Variants in MMP13 observed in about 807,000 individuals in gnomAD.
MMP13 encodes collagenase 3.
A neutral mutation model predicts 52.1 loss-of-function variants in MMP13; 45 were observed. That is an observed-to-expected ratio of 0.86 (90% CI 0.68 to 1.11). The LOEUF (loss-of-function observed/expected upper bound fraction) is 1.11. Among genes scored for constraint, MMP13 ranks in the 50% least tolerant of loss-of-function variants. The pLI is 0.00. For missense variants in MMP13, 576 were observed against 583.8 expected (o/e 0.99, Z 0.14); for synonymous variants, 200 against 204.4 (o/e 0.98, Z 0.18).
Position 102,952,150 on chromosome 11 carries a change from C to T in MMP13, c.661G>A (p.Ala221Thr). ...CCTAAGGAGTGGCCGAACTCATGCG[C>T]AGCAACAAGAAACAAGTTGTAGCCT... The part of the protein sequence containing the change: ...SKGYNLFLVA[A>T]HEFGHSLGLD... Residue 221 changes from alanine to threonine, a missense_variant, in exon 5 of 10, where the codon GCG becomes ACG. Physicochemically the swap from Ala to Thr is moderately conservative, Grantham distance 58. Transcript: ENST00000260302. The surrounding 1 kb of genome is among the most constrained non-coding windows in gnomAD (Gnocchi z 4.3). The T allele has an allele frequency of 6.2e-7, 1 of 1,612,992 alleles. No homozygotes were observed. The highest frequency in any genetic ancestry group is 8.5e-7 in the Non-Finnish European group (1 of 1,179,276).
intron 2 of MMP13, 143 bp from the exon 3 acceptor site, chr11:102,954,749 T>G (rs1860669707): frequency 1.2e-6 from 1 of 850,284 alleles, no homozygotes; most frequent in Non-Finnish European, 1.8e-6. Context: ...TCAAATAATG[T>G]ATTAATTATG....
chr11:102,945,857 A>T (rs544466500), intron 8 of MMP13, 108 bp from the exon 9 acceptor site: 2 of 656,302 alleles, frequency 3.0e-6, no homozygotes, highest in African/African-American at 1.8e-5. Flanking sequence ...GAATTTTAAA[A>T]TTTTCAGTCC....
chr11:102,945,927 T>C (rs1284136347), intron 8 of MMP13, among the ~76,000 whole-genome samples, 178 bp from the exon 9 acceptor site: 3 of 152,258 alleles, frequency 2.0e-5, no homozygotes, highest in African/African-American at 7.2e-5. Flanking sequence ...GTACAGTGGA[T>C]GCTTGACGAG....
chr11:102,947,667 T>TTGTG lies in MMP13; in HGVS notation c.1211+220_1211+223dup, dbSNP rs71066125. Among the ~76,000 whole-genome samples, 16,016 of 144,760 alleles carry TTGTG rather than the reference T, an allele frequency of 0.11. 912 individuals are homozygous for TTGTG. Among genetic ancestry groups the TTGTG allele is most frequent in the East Asian group, 0.23 (1,130 of 4,838 alleles). 95.0% of individuals were successfully genotyped at this position (144,760 alleles called of 152,430 possible). A position where few individuals can be genotyped will look rare whatever the true frequency, so the allele number is the denominator to read the frequency against. ...GTTTGAGAAGAGGAATGTTTGAGTATTGTGTGTGTGTGTGTGTGTGTGTGT... is the reference window on the plus strand; with the variant it reads ...GTTTGAGAAGAGGAATGTTTGAGTATTGTGTGTGTGTGTGTGTGTGTGTGTGTGT... On this transcript the variant is annotated intron_variant, in intron 8 of 9. Coordinates refer to ENST00000260302, the MANE Select transcript of MMP13 (RefSeq NM_002427.4).
Position 102,955,400 on chromosome 11 carries a change from G to T in MMP13, c.214C>A (p.Gln72Lys). 6.2e-7 allele frequency: 1 copy of T among 1,614,020 alleles called. No individual in the cohort carries two copies. The highest frequency in any genetic ancestry group is 1.3e-5 in the African/African-American group (1 of 75,018). ...SSMTERLREM[Q>K]SFFGLEVTGK... ...GTCACCTCTAAGCCGAAGAAAGACT[G>T]CATTTCTCGGAGCCTCTCAGTCATG... Residue 72 changes from glutamine (Q) to lysine (K), a missense_variant, in exon 2 of 10, where the codon CAG (glutamine) becomes AAG (lysine). By Grantham distance (53) the Gln-to-Lys change is moderately conservative. Transcript: ENST00000260302. This position sits in a 1 kb window ranked among gnomAD's most constrained non-coding sequence, Gnocchi z 4.9.
chr11:102,949,602 A>C lies in MMP13; in HGVS notation c.918-444T>G, dbSNP rs1166694369. Among the ~76,000 whole-genome samples the C allele has an allele frequency of 6.6e-6, 1 of 152,204 alleles. No individual in the cohort carries two copies. Among genetic ancestry groups the C allele is most frequent in the African/African-American group, 2.4e-5 (1 of 41,450 alleles). On this transcript the variant is annotated intron_variant, in intron 6 of 9. Transcript: ENST00000260302. The surrounding 1 kb of genome is among the most constrained non-coding windows in gnomAD (Gnocchi z 4.2). Reference sequence around the variant, plus strand: ...TAGAGTTATAACAGAGGGGATAAACATGCTATTGGATCACAGATGAGGGAT... The same window carrying C: ...TAGAGTTATAACAGAGGGGATAAACCTGCTATTGGATCACAGATGAGGGAT...
chr11:102,946,869 G>A (rs902108552), intron 8 of MMP13, among the ~76,000 whole-genome samples: 3 of 152,244 alleles, frequency 2.0e-5, no homozygotes, highest in South Asian at 2.1e-4. Flanking sequence ...AGGTATGTGC[G>A]TGTGTGCGGG....
Position 102,947,875 on chromosome 11 carries a change from C to A in MMP13, c.1211+16G>T. On this transcript the variant is annotated intron_variant, in intron 8 of 9. Coordinates refer to ENST00000260302, the MANE Select transcript of MMP13 (RefSeq NM_002427.4). ...CGGCTATGACACAGATGGGTCAGTA[C>A]CTACTGCTGCCATACCTCCAGACCT... 6.2e-7 allele frequency: 1 copy of A among 1,613,694 alleles called. No individual in the cohort carries two copies. The highest frequency in any genetic ancestry group is 8.5e-7 in the Non-Finnish European group (1 of 1,179,728).
rs1555017028 is a variant in MMP13, at chr11:102,949,150, C to T, written c.926G>A (p.Trp309Ter). The T allele has an allele frequency of 6.2e-7, 1 of 1,613,536 alleles. No homozygotes were observed. The highest frequency in any genetic ancestry group is 1.7e-5 in the Admixed American group (1 of 59,968). Residue 309 changes from tryptophan to a stop codon, truncating the protein, a stop_gained, in exon 7 of 10, where the codon TGG (tryptophan) becomes TAG (stop). Transcript: ENST00000260302. LOFTEE classifies it high-confidence loss of function. This position sits in a 1 kb window ranked among gnomAD's most constrained non-coding sequence, Gnocchi z 4.2. ...ETMIFKDRFF[W>*]RLHPQQVDAE... ...ATCAACCTGCTGAGGATGCAGGCGC[C>T]AGAAGAATCTAACACAAAAGTAAAA... is the stretch of plus-strand genomic sequence containing the variant.
intron 8 of MMP13, 39 bp downstream of exon 8, chr11:102,947,852 G>A: frequency 1.2e-6 from 2 of 1,611,874 alleles, no homozygotes; most frequent in African/African-American, 1.3e-5. Context: ...GCACTTTGCG[G>A]CTATGACACA....
chr11:102,945,240 TCAA>T, intron 9 of MMP13: 2 of 655,578 alleles, frequency 3.1e-6, no homozygotes, highest in Admixed American at 9.5e-5. Context: ...TGAGACTCTG[TCAA>T]AAAAAAAAAA....
chr11:102,953,354 T>C (rs1860643734), intron 4 of MMP13, among the ~76,000 whole-genome samples: 1 of 152,180 alleles, frequency 6.6e-6, no homozygotes, highest in Non-Finnish European at 1.5e-5. Flanking sequence ...ATTGGAGGTA[T>C]TAGATTTGAG....
At position 102,943,716 on chromosome 11, in the gene MMP13, G is replaced by T; in HGVS notation, c.*550C>A. 6.5e-6 allele frequency: 1 copy of T among 154,958 alleles called. No individual in the cohort carries two copies. Among genetic ancestry groups the T allele is most frequent in the Non-Finnish European group, 1.4e-5 (1 of 69,766 alleles). The allele number at this position is 154,958 out of a possible 1,614,324, so 9.6% of individuals were successfully genotyped here. On this transcript the variant is annotated 3_prime_UTR_variant, in exon 10 of 10. Transcript: ENST00000260302. ...CTGTCTTTAATGACTTTGATATTTCGTTAGTGTCTGTGTGAAGAAGGGCAC... is the reference window on the plus strand; with the variant it reads ...CTGTCTTTAATGACTTTGATATTTCTTTAGTGTCTGTGTGAAGAAGGGCAC...
intron 4 of MMP13, among the ~76,000 whole-genome samples, chr11:102,953,517 CA>C (rs1216013813): frequency 1.3e-5 from 2 of 152,194 alleles, no homozygotes; most frequent in East Asian, 3.8e-4. Context: ...CCTAAGTTAA[CA>C]TTCCCAATTA....
In MMP13 at chr11:102,955,055, A is replaced by AT. The variant is rs1484011660; in HGVS notation, c.362+196dup. Among the ~76,000 whole-genome samples, 1 of 152,208 alleles carries AT rather than the reference A, an allele frequency of 6.6e-6. No individual in the cohort carries two copies. Among genetic ancestry groups the AT allele is most frequent in the Non-Finnish European group, 1.5e-5 (1 of 68,026 alleles). ...TCTTTTGATTTCATCTCTAAAAGAA[A>AT]TACTTTGAGATGCCCACTAAAAAAT... On this transcript the variant is annotated intron_variant, in intron 2 of 9. Coordinates refer to ENST00000260302, the MANE Select transcript of MMP13 (RefSeq NM_002427.4). This position sits in a 1 kb window ranked among gnomAD's most constrained non-coding sequence, Gnocchi z 4.9.
In MMP13 at chr11:102,955,416, C is replaced by T; in HGVS notation, c.198G>A (p.Glu66=). The T allele has an allele frequency of 1.2e-6, 2 of 1,614,030 alleles. No individual in the cohort carries two copies. Among genetic ancestry groups the T allele is most frequent in the Non-Finnish European group, 1.7e-6 (2 of 1,179,956 alleles). ...LKENAASSMT[E]RLREMQSFFG... Reference sequence around the variant, plus strand: ...AGAAAGACTGCATTTCTCGGAGCCTCTCAGTCATGGAGCTTGCTGCATTCT... The same window carrying T: ...AGAAAGACTGCATTTCTCGGAGCCTTTCAGTCATGGAGCTTGCTGCATTCT... Residue 66 remains glutamate (E), a synonymous_variant, in exon 2 of 10, where the codon GAG becomes GAA. Transcript: ENST00000260302. This position sits in a 1 kb window ranked among gnomAD's most constrained non-coding sequence, Gnocchi z 4.9.
chr11:102,955,177 G>T lies in MMP13; in HGVS notation c.362+75C>A. 6.6e-7 allele frequency: 1 copy of T among 1,514,414 alleles called. No individual in the cohort carries two copies. Among genetic ancestry groups the T allele is most frequent in the Non-Finnish European group, 9.1e-7 (1 of 1,099,614 alleles). 93.8% of individuals were successfully genotyped at this position (1,514,414 alleles called of 1,614,324 possible). ...ATTTAACTGCCAATTAAATAATAAG[G>T]CCTACTTAATATTAGACATTTAATA... On this transcript the variant is annotated intron_variant, in intron 2 of 9. Coordinates refer to ENST00000260302, the MANE Select transcript of MMP13 (RefSeq NM_002427.4). The surrounding 1 kb of genome is among the most constrained non-coding windows in gnomAD (Gnocchi z 4.9).
intron 9 of MMP13, 55 bp downstream of exon 9, chr11:102,945,591 G>GT (rs1339875526): frequency 9.2e-7 from 1 of 1,088,410 alleles, no homozygotes; most frequent in Non-Finnish European, 1.4e-6. Context: ...ACAGAAAAGA[G>GT]TTTTGAGGGG....
At chr11:102,950,026 C>T (rs1477331683) in intron 6 of MMP13, 84 bp downstream of exon 6, 1 of 1,178,386 alleles carries the variant, frequency 8.5e-7, no homozygotes, top group Non-Finnish European at 1.3e-6. Context: ...CTTTGGAAGT[C>T]TGACAGGATG....
Sources: allele counts gnomAD v4.1 joint callset (sites outside exome capture counted in the v4.1 genomes callset), GRCh38; gene constraint gnomAD v4.1.1; non-coding constraint Gnocchi (gnomAD v3.1); transcripts MANE v1.5; gene names NCBI Gene and HGNC (gene_info 2026-07-23, HGNC 2026-07-21).